The following SBF2 variants were observed in gnomAD, a reference collection of about 807,000 sequenced individuals.
The protein encoded by SBF2 is myotubularin-related protein 13.
SBF2 carries 112 observed loss-of-function variants against 225.2 expected under a neutral mutation model. The ratio of observed to expected loss-of-function variants is 0.50; its 90% confidence interval spans 0.43 to 0.58. The LOEUF (loss-of-function observed/expected upper bound fraction) is 0.58. Among genes scored for constraint, SBF2 ranks in the 20% least tolerant of loss-of-function variants. The pLI is 0.00. For synonymous variants in SBF2, 763 were observed against 773.3 expected, an observed-to-expected ratio of 0.99 and a Z score of 0.22; for missense variants, 1,996 against 2,206.2, an observed-to-expected ratio of 0.90 and a Z score of 1.91.
chr11:9,843,043 C>T (rs1296671083), intron 24 of SBF2, among the ~76,000 whole-genome samples: 1 of 152,148 alleles, frequency 6.6e-6, no homozygotes, highest in Admixed American at 6.5e-5. Context: ...AATCTAAACT[C>T]CTTGGTTTAG....
At chr11:10,152,549 CA>C (rs879643809) in intron 2 of SBF2, among the ~76,000 whole-genome samples, 81 of 139,280 alleles carry the variant, frequency 5.8e-4, no homozygotes, top group Admixed American at 5.7e-4. Flanking sequence ...AACTCCATCT[CA>C]AAAAAAAAAA....
chr11:9,909,857 C>A (rs1862451755), intron 16 of SBF2, among the ~76,000 whole-genome samples: 1 of 151,986 alleles, frequency 6.6e-6, no homozygotes, highest in Admixed American at 6.6e-5. Context: ...TAGGACTTCC[C>A]ATCAAAAAAT....
At chr11:10,210,223 G>T (rs1957886990) in intron 1 of SBF2, among the ~76,000 whole-genome samples, 2 of 152,122 alleles carry the variant, frequency 1.3e-5, no homozygotes, top group South Asian at 4.2e-4. Context: ...TGGCAGAATT[G>T]CTTGAGCCTA....
intron 6 of SBF2, among the ~76,000 whole-genome samples, chr11:10,008,117 C>A (rs1802373122): frequency 6.6e-6 from 1 of 152,160 alleles, no homozygotes; most frequent in Non-Finnish European, 1.5e-5. Flanking sequence ...CGGTTGACTC[C>A]AATTGGGATT....
chr11:10,040,460 A>G (rs1296657798), intron 3 of SBF2, among the ~76,000 whole-genome samples: 2 of 152,026 alleles, frequency 1.3e-5, no homozygotes, highest in Non-Finnish European at 2.9e-5. Context: ...AAATGTCAAC[A>G]TTATAGACAA....
intron 16 of SBF2, among the ~76,000 whole-genome samples, chr11:9,914,927 C>A (rs570171597): frequency 9.7e-6 from 1 of 103,114 alleles, no homozygotes. Flanking sequence ...TATAGATGTG[C>A]GGGGGGCAGG....
At chr11:9,855,072 C>A (rs1203139264) in intron 19 of SBF2, among the ~76,000 whole-genome samples, 1 of 152,078 alleles carries the variant, frequency 6.6e-6, no homozygotes, top group Non-Finnish European at 1.5e-5. Context: ...AATGGGAAAG[C>A]ATCATTTCGG....
chr11:10,143,275 G>A (rs1435394795), intron 2 of SBF2, among the ~76,000 whole-genome samples: 2 of 151,948 alleles, frequency 1.3e-5, no homozygotes, highest in East Asian at 1.9e-4. Context: ...GGGTTCAAGC[G>A]ATTCTCTTAC....
chr11:9,927,563 T>TA (rs1477723992), intron 16 of SBF2, among the ~76,000 whole-genome samples: 1 of 151,842 alleles, frequency 6.6e-6, no homozygotes, highest in Non-Finnish European at 1.5e-5. Context: ...TCTAATAAAA[T>TA]AAAAAATTAA....
At chr11:10,284,572 T>C (rs1963621946) in intron 1 of SBF2, among the ~76,000 whole-genome samples, 1 of 152,174 alleles carries the variant, frequency 6.6e-6, no homozygotes, top group African/African-American at 2.4e-5. Flanking sequence ...AAAGAAATTT[T>C]TCAAAAGACA....
intron 10 of SBF2, among the ~76,000 whole-genome samples, chr11:9,993,520 A>T (rs1478853028): frequency 6.6e-6 from 1 of 152,250 alleles, no homozygotes; most frequent in East Asian, 1.9e-4. Context: ...TTTCATCCAC[A>T]GACTCTTCAA....
intron 17 of SBF2, among the ~76,000 whole-genome samples, chr11:9,885,170 G>A (rs931481701): frequency 7.2e-6 from 1 of 139,664 alleles, no homozygotes. Context: ...AGAATCACTT[G>A]AACCCGGGAG....
intron 2 of SBF2, among the ~76,000 whole-genome samples, chr11:10,089,606 T>C (rs957177719): frequency 1.3e-5 from 2 of 152,186 alleles, no homozygotes; most frequent in African/African-American, 4.8e-5. Context: ...ACAAATATTG[T>C]ATGTATACAG....
chr11:10,035,275 A>G (rs1238660074), intron 3 of SBF2, among the ~76,000 whole-genome samples: 1 of 152,142 alleles, frequency 6.6e-6, no homozygotes, highest in Non-Finnish European at 1.5e-5. Flanking sequence ...CGCCCAGCCT[A>G]AAGTCTTAAA....
intron 1 of SBF2, among the ~76,000 whole-genome samples, chr11:10,198,887 G>C (rs1326002576): frequency 1.3e-5 from 2 of 152,120 alleles, no homozygotes; most frequent in Non-Finnish European, 2.9e-5. Context: ...AGAGAGTTAG[G>C]GCCTTGTGCT....
At chr11:9,958,881 G>T in intron 16 of SBF2, 1 of 678,332 alleles carries the variant, frequency 1.5e-6, no homozygotes, top group South Asian at 1.6e-5. Flanking sequence ...ACAGTCTGGG[G>T]AATGTGTATG....
At position 9,968,409 on chromosome 11, in the gene SBF2, T is replaced by C; in HGVS notation, c.1532A>G (p.Lys511Arg). Residue 511 changes from lysine (K) to arginine (R), a missense_variant, in exon 14 of 40, where the codon AAG (lysine) becomes AGG (arginine). Coordinates refer to ENST00000256190, the MANE Select transcript of SBF2 (RefSeq NM_030962.4). Reference sequence around the variant, plus strand: ...TGTGGCAGGAGGTGCATTCTGGTTCTTAGCAACATTTTCCTGTATTAATTC... The same window carrying C: ...TGTGGCAGGAGGTGCATTCTGGTTCCTAGCAACATTTTCCTGTATTAATTC... Reference protein sequence around the residue: ...VQELIQENVAKNQNAPPATRI... With the variant: ...VQELIQENVARNQNAPPATRI... 1 of 1,614,192 alleles carries C rather than the reference T, an allele frequency of 6.2e-7. No homozygotes were observed. The highest frequency in any genetic ancestry group is 1.1e-5 in the South Asian group (1 of 91,078).
chr11:10,037,342 A>C (rs964178159), intron 3 of SBF2, among the ~76,000 whole-genome samples: 3 of 152,120 alleles, frequency 2.0e-5, no homozygotes, highest in African/African-American at 7.2e-5. Flanking sequence ...TTTTCACCAG[A>C]CTCTAACAAA....
chr11:9,884,520 C>T (rs902779582), intron 17 of SBF2, among the ~76,000 whole-genome samples: 6 of 152,158 alleles, frequency 3.9e-5, no homozygotes, highest in Non-Finnish European at 8.8e-5. Context: ...TGCTTTTCTC[C>T]ATTGGAAGCT....
Sources: gnomAD v4.1 joint callset for allele counts (sites outside exome capture counted in the v4.1 genomes callset) on GRCh38, gnomAD v4.1.1 for gene constraint, MANE v1.5 for transcripts, NCBI Gene and HGNC (gene_info 2026-07-23, HGNC 2026-07-21) for gene names.